Variants in LINGO2 observed in about 807,000 individuals in gnomAD.
LINGO2 encodes leucine rich repeat and Ig domain containing 2, also known as leucine-rich repeat and immunoglobulin-like domain-containing nogo receptor-interacting protein 2.
Under a neutral mutation model 30.6 loss-of-function variants are expected in LINGO2, and 14 were observed. That is an observed-to-expected ratio of 0.46 (90% CI 0.30 to 0.72). LINGO2 has a LOEUF of 0.72. LINGO2 is among the 30% of genes least tolerant of loss of function. The probability of loss-of-function intolerance (pLI) is 0.07; values close to 1 mark genes in which losing one functional copy is unlikely to be tolerated. For synonymous variants in LINGO2, 317 were observed against 288.5 expected, an observed-to-expected ratio of 1.10 and a Z score of -1.00; for missense variants, 729 against 751.7, an observed-to-expected ratio of 0.97 and a Z score of 0.35.
intron 4 of LINGO2, among the ~76,000 whole-genome samples, chr9:28,035,594 G>A (rs1013393714): frequency 2.6e-5 from 4 of 152,170 alleles, no homozygotes; most frequent in African/African-American, 7.2e-5. Flanking sequence ...ATTGGTAAAT[G>A]TTATGCAGTT....
chr9:28,467,642 T>A (rs1825367752), intron 2 of LINGO2, among the ~76,000 whole-genome samples: 1 of 152,086 alleles, frequency 6.6e-6, no homozygotes. Flanking sequence ...AAGAAGTAAA[T>A]ATTTTTATTA....
chr9:28,864,252 A>G, the LINGO2 span, among the ~76,000 whole-genome samples: 1 of 152,120 alleles, frequency 6.6e-6, no homozygotes, highest in Non-Finnish European at 1.5e-5. Flanking sequence ...TTCAAAGGCA[A>G]TCATTAAATG....
intron 4 of LINGO2, among the ~76,000 whole-genome samples, chr9:28,234,831 G>A (rs562194457): frequency 1.6e-4 from 24 of 149,282 alleles, no homozygotes; most frequent in African/African-American, 5.4e-4. Flanking sequence ...ACTTGTGATC[G>A]TGTGAGTCAA....
chr9:28,100,135 G>A (rs1826366981), intron 4 of LINGO2, among the ~76,000 whole-genome samples: 1 of 152,116 alleles, frequency 6.6e-6, no homozygotes, highest in Admixed American at 6.6e-5. Context: ...CTTATTCACT[G>A]GTATATACTT....
chr9:28,952,841 T>C, the LINGO2 span, among the ~76,000 whole-genome samples: 1 of 152,176 alleles, frequency 6.6e-6, no homozygotes, highest in Non-Finnish European at 1.5e-5. Context: ...GCAAATAAAA[T>C]AATACTTGTT....
chr9:29,090,689 C>A, the LINGO2 span, among the ~76,000 whole-genome samples: 1 of 151,964 alleles, frequency 6.6e-6, no homozygotes, highest in African/African-American at 2.4e-5. Context: ...CCCAAAATAA[C>A]AACCCAGAAA....
chr9:28,354,491 G>C (rs904013135), intron 3 of LINGO2, among the ~76,000 whole-genome samples: 1 of 152,118 alleles, frequency 6.6e-6, no homozygotes, highest in Non-Finnish European at 1.5e-5. Flanking sequence ...ATGTGATTTT[G>C]CTTCTCAATT....
At chr9:28,507,212 A>ACT (rs1554729800) in intron 1 of LINGO2, among the ~76,000 whole-genome samples, 3 of 148,996 alleles carry the variant, frequency 2.0e-5, no homozygotes, top group South Asian at 4.2e-4. Flanking sequence ...ATTTCAGAGG[A>ACT]GTGTGTGTGT....
At chr9:28,442,881 G>A (rs1824255234) in intron 2 of LINGO2, among the ~76,000 whole-genome samples, 1 of 152,166 alleles carries the variant, frequency 6.6e-6, no homozygotes. Flanking sequence ...ATTTGCTTCA[G>A]TGATAGAGGA....
chr9:28,249,894 C>A (rs1049336770), intron 4 of LINGO2, among the ~76,000 whole-genome samples: 2 of 152,104 alleles, frequency 1.3e-5, no homozygotes, highest in Admixed American at 6.5e-5. Context: ...GAAAGGGGAA[C>A]CATTTTTCCT....
At chr9:28,261,108 T>C (rs1049220304) in intron 4 of LINGO2, among the ~76,000 whole-genome samples, 1 of 151,986 alleles carries the variant, frequency 6.6e-6, no homozygotes, top group Non-Finnish European at 1.5e-5. Flanking sequence ...TGGAACTATA[T>C]GAGATTAAAT....
intron 1 of LINGO2, among the ~76,000 whole-genome samples, chr9:28,651,132 G>T (rs1444753007): frequency 6.6e-6 from 1 of 151,502 alleles, no homozygotes; most frequent in Non-Finnish European, 1.5e-5. Context: ...GCAGTGAGCA[G>T]AGACTGTGAC....
At chr9:28,077,502 C>T (rs1036491850) in intron 4 of LINGO2, among the ~76,000 whole-genome samples, 4 of 152,144 alleles carry the variant, frequency 2.6e-5, no homozygotes, top group African/African-American at 7.2e-5. Context: ...TCACTTAAAA[C>T]TATTATTAAG....
At chr9:28,262,810 A>T (rs1822611542) in intron 4 of LINGO2, among the ~76,000 whole-genome samples, 1 of 152,008 alleles carries the variant, frequency 6.6e-6, no homozygotes, top group Non-Finnish European at 1.5e-5. Context: ...TTTAGAACAC[A>T]AAATTGAAGG....
At chr9:28,716,721 C>T in the LINGO2 span, among the ~76,000 whole-genome samples, 60 of 152,118 alleles carry the variant, frequency 3.9e-4, no homozygotes, top group Non-Finnish European at 7.7e-4. Context: ...GGTAGCTAGA[C>T]AATTCATTTA....
At chr9:28,553,279 T>C (rs1452177284) in intron 1 of LINGO2, among the ~76,000 whole-genome samples, 1 of 152,014 alleles carries the variant, frequency 6.6e-6, no homozygotes, top group Non-Finnish European at 1.5e-5. Flanking sequence ...GTAACTAGAA[T>C]AACCAATACA....
intron 4 of LINGO2, among the ~76,000 whole-genome samples, chr9:28,072,312 T>C (rs577777881): frequency 9.8e-5 from 15 of 152,320 alleles, no homozygotes; most frequent in African/African-American, 3.4e-4. Flanking sequence ...CATTTCAACC[T>C]TCTTTAGGGG....
intron 1 of LINGO2, among the ~76,000 whole-genome samples, chr9:28,654,947 G>T (rs1828267011): frequency 6.6e-6 from 1 of 152,042 alleles, no homozygotes. Flanking sequence ...TTTTTGCTGT[G>T]TGAAAATGCT....
intron 2 of LINGO2, among the ~76,000 whole-genome samples, chr9:28,417,423 T>C (rs976240246): frequency 1.3e-5 from 2 of 152,248 alleles, no homozygotes; most frequent in African/African-American, 4.8e-5. Context: ...ATAGTAATTA[T>C]ATTTTAAAAT....
Sources: allele counts gnomAD v4.1 joint callset (sites outside exome capture counted in the v4.1 genomes callset), GRCh38; gene constraint gnomAD v4.1.1; transcripts MANE v1.5; gene names NCBI Gene and HGNC (gene_info 2026-07-23, HGNC 2026-07-21).